PREX2: variants seen among roughly 807,000 people sequenced by gnomAD.
PREX2 encodes the protein phosphatidylinositol 3,4,5-trisphosphate-dependent Rac exchanger 2 protein.
Under a neutral mutation model 203.2 loss-of-function variants are expected in PREX2, and 107 were observed. The ratio of observed to expected loss-of-function variants is 0.53; its 90% CI spans 0.45 to 0.62. The LOEUF (loss-of-function observed/expected upper bound fraction) is 0.62. PREX2 is among the 20% of genes least tolerant of loss of function. The pLI, the probability that PREX2 is intolerant of heterozygous loss-of-function variation, is 0.00. For synonymous variants in PREX2, 672 were observed against 663.6 expected (o/e 1.01, Z -0.19); for missense variants, 1,777 against 1,955.9 (o/e 0.91, Z 1.72).
rs561612469 is a variant in PREX2 at position 68,052,151 on chromosome 8, T to C, written c.944-946T>C. 5.3e-5 allele frequency among the ~76,000 whole-genome samples: 8 copies of C among 152,288 alleles called. No homozygotes were observed. The South Asian group carries it at 1.4e-3, about 28-fold the overall frequency. On this transcript the variant is annotated intron_variant, in intron 8 of 39. Transcript: ENST00000288368. ...TCATTTTCTAAACCACCTTTAACTT[T>C]CTTGTGGCTTACCTCCTCAACACTG...
chr8:68,047,365 G>A (rs535274433), intron 8 of PREX2, among the ~76,000 whole-genome samples: 4 of 150,912 alleles, frequency 2.7e-5, no homozygotes, highest in South Asian at 4.2e-4. Flanking sequence ...CCCTGGATAA[G>A]TTAAATGAGG....
chr8:68,228,209 A>G (rs1263457523), intron 39 of PREX2, among the ~76,000 whole-genome samples: 5 of 152,204 alleles, frequency 3.3e-5, no homozygotes, highest in Admixed American at 3.3e-4. Context: ...CATCCAGCAC[A>G]CTGGCTTTAT....
intron 35 of PREX2, among the ~76,000 whole-genome samples, chr8:68,163,851 C>T (rs1225658400): frequency 2.0e-5 from 3 of 152,124 alleles, no homozygotes; most frequent in Non-Finnish European, 4.4e-5. Flanking sequence ...GTAGCAATAA[C>T]CATTTATTGT....
chr8:68,024,550 T>C (rs1807660340), intron 4 of PREX2, among the ~76,000 whole-genome samples: 1 of 152,032 alleles, frequency 6.6e-6, no homozygotes, highest in Non-Finnish European at 1.5e-5. Context: ...TTATGATCTT[T>C]AAAATGTCTC....
chr8:67,985,746 G>A (rs1277770554), intron 1 of PREX2, among the ~76,000 whole-genome samples: 1 of 152,184 alleles, frequency 6.6e-6, no homozygotes, highest in Non-Finnish European at 1.5e-5. Flanking sequence ...GCCAAACACA[G>A]TTGCAGAGGA....
rs140772304 is a variant in PREX2, at chr8:68,193,934, C to T, written c.4604+1409C>T. On this transcript the variant is annotated intron_variant, in intron 37 of 39. Coordinates refer to ENST00000288368, the MANE Select transcript of PREX2 (RefSeq NM_024870.4). ...CTTATGAAAAATGGCAAGAGTATTT[C>T]TCTTAAAAGAACATTAATTTTTTGT... 2.5e-4 allele frequency among the ~76,000 whole-genome samples: 38 copies of T among 152,312 alleles called. No homozygotes were observed. In the East Asian group the frequency reaches 7.0e-3, roughly 28 times the overall value.
chr8:68,024,492 T>A (rs1002268938), intron 4 of PREX2, among the ~76,000 whole-genome samples: 5 of 151,990 alleles, frequency 3.3e-5, no homozygotes, highest in Non-Finnish European at 5.9e-5. Flanking sequence ...CTATGATAGC[T>A]CTCTTACTAT....
At chr8:68,082,485 G>A (rs976297231) in intron 17 of PREX2, 16 of 152,160 alleles carry the variant, frequency 1.1e-4, no homozygotes, top group African/African-American at 3.9e-4. Flanking sequence ...CCTGGCCAAC[G>A]AATGACCATT....
At chr8:68,103,758 AC>A in intron 23 of PREX2, 1 of 518,704 alleles carries the variant, frequency 1.9e-6, no homozygotes, top group Non-Finnish European at 3.9e-6. Context: ...GTTCTCCGTG[AC>A]CCCACATATG....
chr8:68,217,320 ATAT>A (rs1429468396), intron 37 of PREX2, among the ~76,000 whole-genome samples: 1 of 152,212 alleles, frequency 6.6e-6, no homozygotes, highest in Non-Finnish European at 1.5e-5. Flanking sequence ...TTAAAGAATA[ATAT>A]TTAGTAATAA....
intron 1 of PREX2, among the ~76,000 whole-genome samples, chr8:68,016,370 G>A (rs761229150): frequency 1.3e-5 from 2 of 151,858 alleles, no homozygotes; most frequent in African/African-American, 2.4e-5. Context: ...TAGACATCTC[G>A]TATACACATG....
intron 1 of PREX2, among the ~76,000 whole-genome samples, chr8:67,978,716 T>C (rs34031650): frequency 0.34 from 52,333 of 152,010 alleles, 9,419 homozygotes; most frequent in East Asian, 0.6. Flanking sequence ...GGTTTTTCAA[T>C]GGTTTTATGA....
chr8:68,192,416 G>A lies in PREX2; in HGVS notation c.4495G>A (p.Ala1499Thr). 1 of 1,614,058 alleles carries A rather than the reference G, an allele frequency of 6.2e-7. No individual in the cohort carries two copies. Among genetic ancestry groups the A allele is most frequent in the Non-Finnish European group, 8.5e-7 (1 of 1,179,990 alleles). The change falls in exon 37 of 40, where the codon GCA becomes ACA. Residue 1499 changes from alanine (A) to threonine (T), a missense_variant. By Grantham distance (58) the Ala-to-Thr change is moderately conservative. Transcript: ENST00000288368. ...FIRSKRTAAC[A>T]NTACSASGVG... is the part of the protein sequence containing the mutation. ...CAGATCCAAGCGCACAGCTGCCTGT[G>A]CAAACACAGCTTGCAGTGCTTCTGG...
At chr8:68,005,657 CCTTA>C (rs565275955) in intron 1 of PREX2, among the ~76,000 whole-genome samples, 5 of 152,352 alleles carry the variant, frequency 3.3e-5, no homozygotes, top group Non-Finnish European at 5.9e-5. Flanking sequence ...ACTCTCACTT[CCTTA>C]AAGTCTCTCC....
intron 4 of PREX2, among the ~76,000 whole-genome samples, chr8:68,022,444 T>C (rs113689494): frequency 0.012 from 1,815 of 152,178 alleles, 25 homozygotes; most frequent in African/African-American, 0.036. Flanking sequence ...TTCCCTAGGG[T>C]GTCCTTTACT....
chr8:67,952,643 G>T (rs943432410), intron 1 of PREX2, 108 bp downstream of exon 1: 1 of 1,458,544 alleles, frequency 6.9e-7, no homozygotes. Flanking sequence ...GACCCGGGAC[G>T]GGTCGGGGCA....
intron 25 of PREX2, among the ~76,000 whole-genome samples, chr8:68,112,840 G>T (rs1234315970): frequency 6.6e-6 from 1 of 152,074 alleles, no homozygotes; most frequent in African/African-American, 2.4e-5. Context: ...TTCATAAGGT[G>T]GTTTTAGAGA....
intron 25 of PREX2, among the ~76,000 whole-genome samples, chr8:68,112,959 A>G (rs1251932406): frequency 2.6e-5 from 4 of 152,210 alleles, no homozygotes; most frequent in African/African-American, 9.6e-5. Flanking sequence ...ATTGCAACAT[A>G]CTGTATACAA....
chr8:68,089,406 T>G (rs1014045399), intron 19 of PREX2, among the ~76,000 whole-genome samples: 1 of 152,196 alleles, frequency 6.6e-6, no homozygotes, highest in South Asian at 2.1e-4. Context: ...CAGGAAGCCC[T>G]CGGAGTCTTC....
Sources: allele counts gnomAD v4.1 joint callset (sites outside exome capture counted in the v4.1 genomes callset), GRCh38; gene constraint gnomAD v4.1.1; transcripts MANE v1.5; gene names NCBI Gene and HGNC (gene_info 2026-07-23, HGNC 2026-07-21).